TALDO1: variants seen among roughly 807,000 people sequenced by gnomAD.
The protein encoded by TALDO1 is transaldolase.
In TALDO1, 29 loss-of-function variants were observed where a neutral mutation model predicts 38.1. The ratio of observed to expected loss-of-function variants is 0.76; its 90% CI spans 0.57 to 1.04. The LOEUF (loss-of-function observed/expected upper bound fraction) is 1.04. Among genes scored for constraint, TALDO1 ranks in the 50% least tolerant of loss-of-function variants. TALDO1 has a pLI of 0.00. For missense variants in TALDO1, 499 were observed against 438.1 expected, an observed-to-expected ratio of 1.14 and a Z score of -1.24; for synonymous variants, 207 against 176.8, an observed-to-expected ratio of 1.17 and a Z score of -1.36.
chr11:751,781 C>T (rs906361843), intron 1 of TALDO1, among the ~76,000 whole-genome samples: 3 of 151,838 alleles, frequency 2.0e-5, no homozygotes, highest in Non-Finnish European at 4.4e-5. Context: ...GGCGACAGAG[C>T]GAGACTCCAT....
At chr11:758,668 G>A (rs1240396175) in intron 2 of TALDO1, among the ~76,000 whole-genome samples, 5 of 150,776 alleles carry the variant, frequency 3.3e-5, no homozygotes, top group Admixed American at 6.6e-5. Flanking sequence ...GCAGTGGCAC[G>A]ATCTCTGCTC....
intron 1 of TALDO1, among the ~76,000 whole-genome samples, chr11:748,488 G>A (rs1862695886): frequency 6.6e-6 from 1 of 152,222 alleles, no homozygotes; most frequent in Non-Finnish European, 1.5e-5. Flanking sequence ...TTGTGTCTAT[G>A]TTTTGTTGAG....
chr11:763,450 G>T lies in TALDO1; in HGVS notation c.568G>T (p.Val190Phe). Reference sequence around the variant, plus strand: ...GGGTGTGACCCTCATCTCCCCATTTGTTGGGCGCATCCTTGATTGGCATGT... The same window carrying T: ...GGGTGTGACCCTCATCTCCCCATTTTTTGGGCGCATCCTTGATTGGCATGT... ...EAGVTLISPF[V>F]GRILDWHVAN... The change falls in exon 5 of 8, where the codon GTT (valine) becomes TTT (phenylalanine). Residue 190 changes from valine (V) to phenylalanine (F), a missense_variant. Physicochemically the swap from Val to Phe is conservative, Grantham distance 50 (BLOSUM62 -1). Coordinates refer to ENST00000319006, the MANE Select transcript of TALDO1 (RefSeq NM_006755.2). 1.9e-6 allele frequency: 3 copies of T among 1,613,558 alleles called. No individual in the cohort carries two copies. The highest frequency in any genetic ancestry group is 2.5e-6 in the Non-Finnish European group (3 of 1,179,910).
At chr11:764,691 G>C in intron 7 of TALDO1, 122 bp from the exon 8 acceptor site, 1 of 1,511,016 alleles carries the variant, frequency 6.6e-7, no homozygotes. Context: ...CCCTGTGGCC[G>C]TGGCCCCCAC....
At chr11:763,573 A>C in intron 5 of TALDO1, 54 bp downstream of exon 5, 1 of 1,606,390 alleles carries the variant, frequency 6.2e-7, no homozygotes, top group Non-Finnish European at 8.5e-7. Context: ...GCAGCACCTC[A>C]GGCAGGAAGA....
chr11:756,651 G>A (rs1862843516), intron 2 of TALDO1, among the ~76,000 whole-genome samples: 1 of 151,936 alleles, frequency 6.6e-6, no homozygotes, highest in Non-Finnish European at 1.5e-5. Flanking sequence ...GAGCAGCTGG[G>A]ATTACAGGCA....
intron 4 of TALDO1, 32 bp downstream of exon 4, chr11:760,285 A>G: frequency 6.2e-7 from 1 of 1,612,252 alleles, no homozygotes; most frequent in South Asian, 1.1e-5. Flanking sequence ...AGGAGCTCTC[A>G]GAGATTTTTC....
chr11:753,585 G>A (rs545306016), intron 1 of TALDO1, among the ~76,000 whole-genome samples: 15 of 151,934 alleles, frequency 9.9e-5, no homozygotes, highest in African/African-American at 2.4e-4. Context: ...ATAGCCTGGC[G>A]TGGTGGCTCG....
Position 763,893 on chromosome 11 carries a change from G to C in TALDO1, c.784G>C (p.Glu262Gln), listed in dbSNP as rs1863002079. 6 of 1,613,242 alleles carry C rather than the reference G, an allele frequency of 3.7e-6. No homozygotes were observed. The Middle Eastern group carries it at 6.7e-4, about 179-fold the overall frequency. The change falls in exon 6 of 8, where the codon GAG becomes CAG. Residue 262 changes from glutamate (E) to glutamine (Q), a missense_variant. Coordinates refer to ENST00000319006, the MANE Select transcript of TALDO1 (RefSeq NM_006755.2). ...FLTISPKLLG[E>Q]LLQDNAKLVP... ...CACCATCTCACCCAAGCTCCTGGGA[G>C]AGCTGCTGCAGGACAACGCCAAGCT...
chr11:752,151 G>A (rs1437930865), intron 1 of TALDO1: 1 of 151,866 alleles, frequency 6.6e-6, no homozygotes, highest in Non-Finnish European at 1.5e-5. Context: ...CTCACTGCAA[G>A]CTCCACCTTC....
intron 1 of TALDO1, among the ~76,000 whole-genome samples, chr11:752,697 C>T (rs1242019336): frequency 1.3e-5 from 2 of 150,772 alleles, no homozygotes; most frequent in Non-Finnish European, 2.9e-5. Context: ...TCTCACATGC[C>T]TTGCCCTATG....
chr11:760,831 G>T, intron 4 of TALDO1: 1 of 160,332 alleles, frequency 6.2e-6, no homozygotes, highest in Non-Finnish European at 1.4e-5. Context: ...TCAGGAGATC[G>T]AGACCATCCT....
rs906260918 is a variant in TALDO1 at position 762,122 on chromosome 11, C to G, written c.462-1222C>G. 2.0e-5 allele frequency among the ~76,000 whole-genome samples: 3 copies of G among 152,062 alleles called. No homozygotes were observed. In the South Asian group the frequency reaches 6.2e-4, roughly 32 times the overall value. On this transcript the variant is annotated intron_variant, in intron 4 of 7. Coordinates refer to ENST00000319006, the MANE Select transcript of TALDO1 (RefSeq NM_006755.2). ...CTGGGATTACAGGCAGGCGCCACCA[C>G]TCCCGCCTAATTTTATATTTTTAGT...
At chr11:756,239 C>T (rs1446880373) in intron 2 of TALDO1, 1 of 566,410 alleles carries the variant, frequency 1.8e-6, no homozygotes, top group Non-Finnish European at 3.1e-6. Flanking sequence ...TAAATACCAC[C>T]CCAGTCAAGA....
chr11:750,867 A>C (rs1201681630), intron 1 of TALDO1, among the ~76,000 whole-genome samples: 1 of 152,092 alleles, frequency 6.6e-6, no homozygotes, highest in Non-Finnish European at 1.5e-5. Flanking sequence ...AATCTGGAGC[A>C]ATGGGCCATT....
Position 763,779 on chromosome 11 carries a change from T to G in TALDO1, c.670T>G (p.Tyr224Asp). Reference protein sequence around the residue: ...VKSVTKIYNYYKKFSYKTIVM... With the variant: ...VKSVTKIYNYDKKFSYKTIVM... ...GAGTGTCACTAAAATCTACAACTAC[T>G]ACAAGAAGTTTAGCTACAAAACCAT... is the stretch of plus-strand genomic sequence containing the variant. The change falls in exon 6 of 8, where the codon TAC becomes GAC. Residue 224 changes from tyrosine (Y) to aspartate (D), a missense_variant. Transcript: ENST00000319006. The G allele has an allele frequency of 6.2e-7, 1 of 1,614,034 alleles. No homozygotes were observed. Among genetic ancestry groups the G allele is most frequent in the African/African-American group, 1.3e-5 (1 of 75,040 alleles).
intron 6 of TALDO1, 147 bp downstream of exon 6, chr11:764,091 G>A (rs905592703): frequency 4.5e-5 from 61 of 1,343,172 alleles, no homozygotes; most frequent in Non-Finnish European, 5.7e-5. Context: ...GGAGGGCTTG[G>A]CTTTCCTAAC....
rs1403831453 is a variant in TALDO1 at position 764,746 on chromosome 11, C to A, written c.982-67C>A. 1.9e-6 allele frequency: 3 copies of A among 1,611,136 alleles called. No individual in the cohort carries two copies. The African/African-American group carries it at 4.0e-5, about 22-fold the overall frequency. On this transcript the variant is annotated intron_variant, in intron 7 of 7. Transcript: ENST00000319006. Reference sequence around the variant, plus strand: ...AGGGCCTCCCTCCTTCCACATGGTGCCTTGTGAGGCTTCAAGGTGCAGAAG... The same window carrying A: ...AGGGCCTCCCTCCTTCCACATGGTGACTTGTGAGGCTTCAAGGTGCAGAAG...
Position 763,315 on chromosome 11 carries a change from CCCCGCCCTCACCT to C in TALDO1, c.462-28_462-16del. Reference sequence around the variant, plus strand: ...CCTCACCTGTCCCCGCCCTCACCTGCCCCGCCCTCACCTGTCCCCGCCCCGCAGGGAGCTCGAG... The same window carrying C: ...CCTCACCTGTCCCCGCCCTCACCTGCGTCCCCGCCCCGCAGGGAGCTCGAG... On this transcript the variant is annotated splice_polypyrimidine_tract_variant and intron_variant, in intron 4 of 7. Transcript: ENST00000319006. The C allele has an allele frequency of 8.0e-7, 1 of 1,256,456 alleles. No individual in the cohort carries two copies. The highest frequency in any genetic ancestry group is 2.4e-5 in the Admixed American group (1 of 41,800). The allele number at this position is 1,256,456 out of a possible 1,614,324, so 77.8% of individuals were successfully genotyped here. A position where few individuals can be genotyped will look rare whatever the true frequency, so the allele number is the denominator to read the frequency against.
Sources: allele counts gnomAD v4.1 joint callset (sites outside exome capture counted in the v4.1 genomes callset), GRCh38; gene constraint gnomAD v4.1.1; transcripts MANE v1.5; gene names NCBI Gene and HGNC (gene_info 2026-07-23, HGNC 2026-07-21).